RPS6KA5: variants seen among roughly 807,000 people sequenced by gnomAD.
RPS6KA5 encodes the protein ribosomal protein S6 kinase alpha-5.
In RPS6KA5, 27 loss-of-function variants were observed where a neutral mutation model predicts 85.5. That is an observed-to-expected ratio of 0.32 (90% CI 0.23 to 0.44). The LOEUF (loss-of-function observed/expected upper bound fraction) is 0.44. Ranked by LOEUF, RPS6KA5 falls within the 20% of genes least tolerant of loss-of-function variation. The pLI, the probability that RPS6KA5 is intolerant of heterozygous loss-of-function variation, is 1.00. For missense variants in RPS6KA5, 811 were observed against 980.9 expected, an observed-to-expected ratio of 0.83 and a Z score of 2.31; for synonymous variants, 334 against 348.2, an observed-to-expected ratio of 0.96 and a Z score of 0.46.
chr14:90,919,838 C>A (rs2036309355), intron 7 of RPS6KA5, among the ~76,000 whole-genome samples: 2 of 152,124 alleles, frequency 1.3e-5, no homozygotes, highest in Admixed American at 1.3e-4. Context: ...ACTGTTTCTT[C>A]ATGTTAAAGT....
At position 90,930,767 on chromosome 14, in the gene RPS6KA5, C is replaced by T. The variant is rs1318598572; in HGVS notation, c.619-7571G>A. ...CCAAAGATAACATACAAATGGTTAA[C>T]AGCATATGAAAAGATGCTCAACATC... is the stretch of plus-strand genomic sequence containing the variant. On this transcript the variant is annotated intron_variant, in intron 5 of 16. Coordinates refer to ENST00000614987, the MANE Select transcript of RPS6KA5 (RefSeq NM_004755.4). Among the ~76,000 whole-genome samples, 5 of 152,278 alleles carry T rather than the reference C, an allele frequency of 3.3e-5. No individual in the cohort carries two copies. In the East Asian group the frequency reaches 7.7e-4, roughly 23 times the overall value.
At chr14:90,885,741 C>CAAAAAAAAAAAAAAAAAAAAAAAA (rs11312699) in intron 14 of RPS6KA5, among the ~76,000 whole-genome samples, 1 of 27,874 alleles carries the variant, frequency 3.6e-5, no homozygotes, top group African/African-American at 1.8e-4. Flanking sequence ...GACTCCATCT[C>CAAAAAAAAAAAAAAAAAAAAAAAA]AAAAAAAAAA....
chr14:91,026,637 T>C (rs576584012), intron 1 of RPS6KA5, among the ~76,000 whole-genome samples: 2 of 152,322 alleles, frequency 1.3e-5, no homozygotes, highest in South Asian at 2.1e-4. Flanking sequence ...CATGTGTCTA[T>C]TGTGATATTC....
chr14:90,923,786 T>C (rs1354470321), intron 5 of RPS6KA5, among the ~76,000 whole-genome samples: 1 of 152,188 alleles, frequency 6.6e-6, no homozygotes, highest in Non-Finnish European at 1.5e-5. Flanking sequence ...TAAACAAAAC[T>C]GTCTTTAAAA....
chr14:91,005,786 A>AT (rs1395641814), intron 1 of RPS6KA5, among the ~76,000 whole-genome samples: 1 of 152,144 alleles, frequency 6.6e-6, no homozygotes, highest in East Asian at 1.9e-4. Flanking sequence ...CTACAATAAT[A>AT]TTAACAGTAT....
intron 7 of RPS6KA5, among the ~76,000 whole-genome samples, chr14:90,909,645 T>C (rs2035692738): frequency 6.6e-6 from 1 of 152,112 alleles, no homozygotes; most frequent in African/African-American, 2.4e-5. Context: ...AGAAAGCAAA[T>C]TGGGTTGATT....
At chr14:91,023,143 T>G (rs1044269228) in intron 1 of RPS6KA5, among the ~76,000 whole-genome samples, 1 of 151,768 alleles carries the variant, frequency 6.6e-6, no homozygotes, top group Non-Finnish European at 1.5e-5. Flanking sequence ...CCATCCTTGT[T>G]CCTTAGTCTC....
intron 14 of RPS6KA5, among the ~76,000 whole-genome samples, chr14:90,884,099 C>A (rs898085717): frequency 1.3e-5 from 2 of 152,170 alleles, no homozygotes; most frequent in African/African-American, 4.8e-5. Context: ...ATGACCACTG[C>A]CCTCTTTGCA....
intron 1 of RPS6KA5, among the ~76,000 whole-genome samples, chr14:91,041,166 C>G (rs183668214): frequency 1.3e-5 from 2 of 152,234 alleles, no homozygotes; most frequent in Admixed American, 1.3e-4. Context: ...TCTGAGGAAG[C>G]AGAAGATTTC....
chr14:90,896,630 G>A (rs906127832), intron 12 of RPS6KA5, among the ~76,000 whole-genome samples: 2 of 152,194 alleles, frequency 1.3e-5, no homozygotes, highest in African/African-American at 4.8e-5. Context: ...CCAAGGAAAT[G>A]TTGGGGGGTG....
rs1338800427 is a variant in RPS6KA5 at position 90,900,218 on chromosome 14, A to C, written c.1269T>G (p.Tyr423Ter). The C allele has an allele frequency of 6.3e-7, 1 of 1,596,144 alleles. No individual in the cohort carries two copies. The change falls in exon 11 of 17, where the codon TAT becomes TAG. Residue 423 changes from tyrosine to a stop codon, truncating the protein, a stop_gained. Coordinates refer to ENST00000614987, the MANE Select transcript of RPS6KA5 (RefSeq NM_004755.4). LOFTEE classifies it high-confidence loss of function. ...GGGGTTTGTCCTTCAAATCTAGGTC[A>C]TAGTGTTGATAGAATGGAGAGTCCT... ...MMKDSPFYQH[Y>*]DLDLKDKPLG...
At position 90,848,428 on chromosome 14, in the gene RPS6KA5, A is replaced by C. The variant is rs2031825352; in HGVS notation, c.*23646T>G. On this transcript the variant is annotated 3_prime_UTR_variant, in exon 17 of 17. Transcript: ENST00000614987. ...GCTAGAATAGATTTTAAAAAACTACAATAAAGTATATAAATATGAAATTCA... is the reference window on the plus strand; with the variant it reads ...GCTAGAATAGATTTTAAAAAACTACCATAAAGTATATAAATATGAAATTCA... 6.6e-6 allele frequency: 1 copy of C among 152,224 alleles called. No homozygotes were observed. Among genetic ancestry groups the C allele is most frequent in the Non-Finnish European group, 1.5e-5 (1 of 68,036 alleles). 9.4% of individuals were successfully genotyped at this position (152,224 alleles called of 1,614,324 possible). A position where few individuals can be genotyped will look rare whatever the true frequency, so the allele number is the denominator to read the frequency against.
chr14:91,004,149 G>A (rs1171874231), intron 1 of RPS6KA5, among the ~76,000 whole-genome samples: 1 of 152,082 alleles, frequency 6.6e-6, no homozygotes, highest in African/African-American at 2.4e-5. Flanking sequence ...GCAGTGGCGC[G>A]ATCTCAGCTC....
At position 91,009,105 on chromosome 14, in the gene RPS6KA5, T is replaced by A. The variant is rs921601894; in HGVS notation, c.104-7946A>T. On this transcript the variant is annotated intron_variant, in intron 1 of 16. Coordinates refer to ENST00000614987, the MANE Select transcript of RPS6KA5 (RefSeq NM_004755.4). The stretch of plus-strand genomic sequence containing the variant: ...AATTTCTGTTCCATTTTTTTCCCTA[T>A]TGGCCCCTGCTATGGTGTGAATGTT... Among the ~76,000 whole-genome samples the A allele has an allele frequency of 2.0e-5, 3 of 152,244 alleles. No individual in the cohort carries two copies. In the East Asian group the frequency reaches 5.8e-4, roughly 29 times the overall value.
At chr14:91,019,662 G>T (rs1161381921) in intron 1 of RPS6KA5, among the ~76,000 whole-genome samples, 1 of 152,006 alleles carries the variant, frequency 6.6e-6, no homozygotes, top group Non-Finnish European at 1.5e-5. Context: ...TCATAACACT[G>T]CAAAAGTAAT....
At chr14:90,912,344 C>A (rs1203739158) in intron 7 of RPS6KA5, among the ~76,000 whole-genome samples, 1 of 152,122 alleles carries the variant, frequency 6.6e-6, no homozygotes. Context: ...GAAATAAGCA[C>A]CTGCCAGACT....
Position 90,900,651 on chromosome 14 carries a change from C to T in RPS6KA5, c.1205G>A (p.Arg402His), listed in dbSNP as rs1011167649. ...DPLQFHMGVE[R>H]PGVTNVARSA... is the part of the protein sequence containing the mutation. The stretch of plus-strand genomic sequence containing the variant: ...CCTGGCAACATTTGTCACTCCAGGA[C>T]GTTCAACTCCCATGTGAAACTGAAG... The change falls in exon 10 of 17, where the codon CGT becomes CAT. Residue 402 changes from arginine (R) to histidine (H), a missense_variant. Around this residue, in one of 3 missense-constraint regions of RPS6KA5, gnomAD observed 650 missense variants for 793.4 expected, o/e 0.82. Transcript: ENST00000614987. 11 of 1,613,790 alleles carry T rather than the reference C, an allele frequency of 6.8e-6. No homozygotes were observed. Among genetic ancestry groups the T allele is most frequent in the African/African-American group, 4.0e-5 (3 of 74,916 alleles).
intron 3 of RPS6KA5, among the ~76,000 whole-genome samples, chr14:90,950,582 A>G (rs1174797498): frequency 2.0e-5 from 3 of 152,136 alleles, no homozygotes. Flanking sequence ...TACTTTGTTG[A>G]GCGTTATTAT....
intron 4 of RPS6KA5, among the ~76,000 whole-genome samples, chr14:90,943,467 C>T (rs1457899835): frequency 2.6e-5 from 4 of 152,104 alleles, no homozygotes; most frequent in Non-Finnish European, 5.9e-5. Context: ...TTCTTCATGT[C>T]TCTATTCTTC....
Sources: allele counts gnomAD v4.1 joint callset (sites outside exome capture counted in the v4.1 genomes callset), GRCh38; gene constraint gnomAD v4.1.1; regional missense constraint gnomAD v4.1.1; transcripts MANE v1.5; gene names NCBI Gene and HGNC (gene_info 2026-07-23, HGNC 2026-07-21).